Variants in RUNX1 observed in about 807,000 individuals in gnomAD.
RUNX1 encodes RUNX family transcription factor 1.
In RUNX1, 19 loss-of-function variants were observed where a neutral mutation model predicts 42.8. That is an observed-to-expected ratio of 0.44 (90% CI 0.31 to 0.65). The LOEUF (loss-of-function observed/expected upper bound fraction) is 0.65. Among genes scored for constraint, RUNX1 ranks in the 30% least tolerant of loss-of-function variants. The pLI is 0.07. For synonymous variants in RUNX1, 271 were observed against 289.4 expected, an observed-to-expected ratio of 0.94 and a Z score of 0.64; for missense variants, 528 against 672.0, an observed-to-expected ratio of 0.79 and a Z score of 2.37.
intron 2 of RUNX1, among the ~76,000 whole-genome samples, chr21:34,967,889 T>C (rs780939810): frequency 5.9e-5 from 9 of 152,302 alleles, no homozygotes; most frequent in Middle Eastern, 3.4e-3. Context: ...CCACGTCAGA[T>C]TGAAACCAGT....
intron 5 of RUNX1, 144 bp from the exon 6 acceptor site, chr21:34,859,722 T>G (rs2057544748): frequency 1.3e-6 from 1 of 757,446 alleles, no homozygotes; most frequent in African/African-American, 1.7e-5. Flanking sequence ...TTGGCTTTGC[T>G]TCAATTCTGG....
intron 6 of RUNX1, among the ~76,000 whole-genome samples, chr21:34,844,580 AAATGAATGAGTGAGTGAGTGAATG>A (rs1569046939): frequency 6.7e-6 from 1 of 148,352 alleles, no homozygotes; most frequent in Non-Finnish European, 1.5e-5. Flanking sequence ...CTGGACAAAT[AAATGAATGAGTGAGTGAGTGAATG>A]AATGAATGAG....
At position 34,799,478 on chromosome 21, in the gene RUNX1, A is replaced by T; in HGVS notation, c.806-16T>A. The T allele has an allele frequency of 6.2e-7, 1 of 1,612,204 alleles. No homozygotes were observed. The highest frequency in any genetic ancestry group is 1.1e-5 in the South Asian group (1 of 91,038). On this transcript the variant is annotated splice_polypyrimidine_tract_variant and intron_variant, in intron 7 of 8. Coordinates refer to ENST00000675419, the MANE Select transcript of RUNX1 (RefSeq NM_001754.5). ...TGCCTTGTATCTGAAGAGAATCAGA[A>T]AGGTCAATTATATGTAAAGTGGGGT...
At chr21:35,007,983 C>A (rs1054531208) in intron 2 of RUNX1, among the ~76,000 whole-genome samples, 1 of 152,004 alleles carries the variant, frequency 6.6e-6, no homozygotes, top group Non-Finnish European at 1.5e-5. Flanking sequence ...ATTTCCATTG[C>A]CTCCTCCCAT....
intron 2 of RUNX1, among the ~76,000 whole-genome samples, chr21:35,022,370 C>T (rs1020806092): frequency 2.0e-5 from 3 of 152,176 alleles, no homozygotes; most frequent in Non-Finnish European, 2.9e-5. Context: ...CGCAGGAGTG[C>T]CTGAAGGGTG....
chr21:34,908,851 A>G lies in RUNX1; in HGVS notation c.59-15888T>C, dbSNP rs1437157017. ...TAGAATGGGACCAATGATTCAGGAT[A>G]TGTAACAGGCTTATCTTATAATTCT... On this transcript the variant is annotated intron_variant, in intron 2 of 8. Transcript: ENST00000675419. Among the ~76,000 whole-genome samples the G allele has an allele frequency of 4.6e-5, 7 of 152,156 alleles. No individual in the cohort carries two copies. The East Asian group carries it at 1.3e-3, about 29-fold the overall frequency.
intron 2 of RUNX1, among the ~76,000 whole-genome samples, chr21:34,977,087 G>T (rs2058807831): frequency 6.6e-6 from 1 of 152,176 alleles, no homozygotes; most frequent in Non-Finnish European, 1.5e-5. Flanking sequence ...AATTAGAGTG[G>T]TTGAGCATAT....
intron 7 of RUNX1, among the ~76,000 whole-genome samples, chr21:34,808,837 A>T (rs2056719805): frequency 6.6e-6 from 1 of 152,154 alleles, no homozygotes; most frequent in Non-Finnish European, 1.5e-5. Context: ...GGGAGGGTTC[A>T]AGGATAGGTC....
At chr21:34,939,466 G>A (rs200442751) in intron 2 of RUNX1, among the ~76,000 whole-genome samples, 1 of 152,168 alleles carries the variant, frequency 6.6e-6, no homozygotes. Flanking sequence ...AAAGTTACAC[G>A]TTCATAGCAG....
chr21:34,900,322 G>C (rs893821561), intron 2 of RUNX1, among the ~76,000 whole-genome samples: 1 of 152,134 alleles, frequency 6.6e-6, no homozygotes, highest in Non-Finnish European at 1.5e-5. Flanking sequence ...GTGGCTAGTG[G>C]CTACCATATT....
At chr21:34,952,157 A>T (rs2058613219) in intron 2 of RUNX1, among the ~76,000 whole-genome samples, 1 of 152,178 alleles carries the variant, frequency 6.6e-6, no homozygotes, top group Non-Finnish European at 1.5e-5. Flanking sequence ...GTTCTCACTC[A>T]TAAGTGTGAG....
At chr21:34,985,671 C>T (rs1200913763) in intron 2 of RUNX1, among the ~76,000 whole-genome samples, 1 of 152,128 alleles carries the variant, frequency 6.6e-6, no homozygotes, top group Non-Finnish European at 1.5e-5. Flanking sequence ...GACTTGGCTT[C>T]CTTTCTCACA....
intron 7 of RUNX1, among the ~76,000 whole-genome samples, chr21:34,831,668 C>T (rs1375010521): frequency 6.6e-6 from 1 of 152,200 alleles, no homozygotes; most frequent in Admixed American, 6.5e-5. Flanking sequence ...CTACCACTGC[C>T]ATTTCAAAGA....
Position 34,843,183 on chromosome 21 carries a change from GAC to G in RUNX1, c.614-8584_614-8583del, listed in dbSNP as rs1000713000. Among the ~76,000 whole-genome samples the G allele has an allele frequency of 1.3e-5, 2 of 151,698 alleles. No homozygotes were observed. Among genetic ancestry groups the G allele is most frequent in the Admixed American group, 6.6e-5 (1 of 15,230 alleles). ...ACAGGCATGCATGTAAACACATACAGACACACACATACACAGACACCTGGACA... is the reference window on the plus strand; with the variant it reads ...ACAGGCATGCATGTAAACACATACAGACACACATACACAGACACCTGGACA... On this transcript the variant is annotated intron_variant, in intron 6 of 8. Coordinates refer to ENST00000675419, the MANE Select transcript of RUNX1 (RefSeq NM_001754.5). This position sits in a 1 kb window ranked among gnomAD's most constrained non-coding sequence, Gnocchi z 4.8.
At chr21:34,986,985 G>C (rs935142740) in intron 2 of RUNX1, among the ~76,000 whole-genome samples, 1 of 152,192 alleles carries the variant, frequency 6.6e-6, no homozygotes, top group African/African-American at 2.4e-5. Flanking sequence ...AGTCCCAATG[G>C]GACCGACATG....
rs1014898273 is a variant in RUNX1, at chr21:34,855,369, G to T, written c.613+4105C>A. Among the ~76,000 whole-genome samples, 23 of 152,178 alleles carry T rather than the reference G, an allele frequency of 1.5e-4. No homozygotes were observed. The South Asian group carries it at 4.4e-3, about 29-fold the overall frequency. ...TTACAGATTTGTGAGCTGAGAGCTG[G>T]AGTTTTTCATTAGATCCTAGAAATA... is the stretch of plus-strand genomic sequence containing the variant. On this transcript the variant is annotated intron_variant, in intron 6 of 8. Coordinates refer to ENST00000675419, the MANE Select transcript of RUNX1 (RefSeq NM_001754.5).
At chr21:34,887,980 A>G (rs977197942) in intron 3 of RUNX1, 88 of 1,065,938 alleles carry the variant, frequency 8.3e-5, no homozygotes, top group Non-Finnish European at 9.8e-5. Context: ...GATGACACTC[A>G]GGGTTCTACA....
At chr21:34,933,098 C>T (rs180948942) in intron 2 of RUNX1, among the ~76,000 whole-genome samples, 28 of 152,282 alleles carry the variant, frequency 1.8e-4, no homozygotes, top group Non-Finnish European at 3.2e-4. Flanking sequence ...GGTGTGTGTT[C>T]ACCCAAAGCT....
chr21:34,862,720 G>C (rs2057595173), intron 5 of RUNX1, among the ~76,000 whole-genome samples: 1 of 152,154 alleles, frequency 6.6e-6, no homozygotes, highest in Non-Finnish European at 1.5e-5. Context: ...CCCAAGTCCA[G>C]TATGACTTTA....
Sources: gnomAD v4.1 joint callset for allele counts (sites outside exome capture counted in the v4.1 genomes callset) on GRCh38, gnomAD v4.1.1 for gene constraint, Gnocchi (gnomAD v3.1) non-coding constraint, MANE v1.5 for transcripts, NCBI Gene and HGNC (gene_info 2026-07-23, HGNC 2026-07-21) for gene names.